The following CARS1 variants were observed in gnomAD, a reference collection of about 807,000 sequenced individuals.
The protein encoded by CARS1 is cysteine--tRNA ligase, cytoplasmic.
Under a neutral mutation model 106.2 loss-of-function variants are expected in CARS1, and 48 were observed. The observed-to-expected ratio is 0.45, with a 90% CI of 0.36 to 0.57. The LOEUF (loss-of-function observed/expected upper bound fraction) is 0.57, where lower values mean the gene tolerates loss of function less well. CARS1 is among the 20% of genes least tolerant of loss of function. The pLI is 0.00. For synonymous variants in CARS1, 409 were observed against 403.4 expected (o/e 1.01, Z -0.17); for missense variants, 968 against 1,057.2 (o/e 0.92, Z 1.17).
intron 16 of CARS1, among the ~76,000 whole-genome samples, 174 bp from the exon 17 acceptor site, chr11:3,016,023 C>T (rs1432854605): frequency 6.6e-6 from 1 of 152,182 alleles, no homozygotes; most frequent in Non-Finnish European, 1.5e-5. Flanking sequence ...GCCCTCATTG[C>T]TCCAGGATGG....
rs972136002 is a variant in CARS1 at position 3,012,260 on chromosome 11, A to G, written c.2003T>C (p.Met668Thr). Residue 668 changes from methionine to threonine, a missense_variant, in exon 18 of 23, where the codon ATG (methionine) becomes ACG (threonine). By Grantham distance (81) the Met-to-Thr change is moderately conservative (BLOSUM62 -1). Transcript: ENST00000380525. ...TTCTGATAACACCTGAAGGTAGGGCATGACTGTGGCCTCGAGCTGCGGAAA... is the reference window on the plus strand; with the variant it reads ...TTCTGATAACACCTGAAGGTAGGGCGTGACTGTGGCCTCGAGCTGCGGAAA... The part of the protein sequence containing the change: ...GTSLSLEATV[M>T]PYLQVLSEFR... The G allele has an allele frequency of 2.5e-5, 41 of 1,614,264 alleles. No individual in the cohort carries two copies. The highest frequency in any genetic ancestry group is 3.5e-5 in the Non-Finnish European group (41 of 1,180,040).
chr11:3,013,464 T>C (rs760780016), intron 17 of CARS1, among the ~76,000 whole-genome samples: 2 of 152,234 alleles, frequency 1.3e-5, no homozygotes, highest in Non-Finnish European at 2.9e-5. Context: ...CATTTCTCTT[T>C]TTCTAATAGG....
In CARS1 at chr11:3,041,722, C is replaced by A. The variant is rs1311158315; in HGVS notation, c.366+443G>T. 6.6e-6 allele frequency among the ~76,000 whole-genome samples: 1 copy of A among 152,230 alleles called. No individual in the cohort carries two copies. The highest frequency in any genetic ancestry group is 1.9e-4 in the East Asian group (1 of 5,196). On this transcript the variant is annotated intron_variant, in intron 3 of 22. Transcript: ENST00000380525. The surrounding 1 kb of genome is among the most constrained non-coding windows in gnomAD (Gnocchi z 4.9). ...CATGCAAACCCCATTCTGTTAGGAACCAATCCTGCCTTCTTCTCAAAACCT... is the reference window on the plus strand; with the variant it reads ...CATGCAAACCCCATTCTGTTAGGAAACAATCCTGCCTTCTTCTCAAAACCT...
At chr11:3,036,411 A>G (rs564901297) in intron 7 of CARS1, among the ~76,000 whole-genome samples, 1 of 152,348 alleles carries the variant, frequency 6.6e-6, no homozygotes, top group Non-Finnish European at 1.5e-5. Flanking sequence ...AGACAACACA[A>G]AACAACTCAC....
In CARS1 at chr11:3,020,384, C is replaced by G. The variant is rs775922538; in HGVS notation, c.1154-52G>C. The G allele has an allele frequency of 9.2e-7, 1 of 1,083,022 alleles. No homozygotes were observed. Among genetic ancestry groups the G allele is most frequent in the African/African-American group, 1.5e-5 (1 of 64,718 alleles). The allele number at this position is 1,083,022 out of a possible 1,614,324, so 67.1% of individuals were successfully genotyped here. On this transcript the variant is annotated intron_variant, in intron 10 of 22. Coordinates refer to ENST00000380525, the MANE Select transcript of CARS1 (RefSeq NM_001014437.3). The surrounding 1 kb of genome is among the most constrained non-coding windows in gnomAD (Gnocchi z 4.6). ...GGTCACTCAGCAGCACCCACAGACC[C>G]ACATGTCTCACTTCAAGGCCATCCA...
Position 3,039,879 on chromosome 11 carries a change from A to G in CARS1, c.508T>C (p.Phe170Leu). Reference sequence around the variant, plus strand: ...ATGTTCATGCAATAAAAGACATCAAATTTGAAGTAATCCTTCAACACTCTT... The same window carrying G: ...ATGTTCATGCAATAAAAGACATCAAGTTTGAAGTAATCCTTCAACACTCTT... ...LRRVLKDYFK[F>L]DVFYCMNITD... is the part of the protein sequence containing the mutation. Residue 170 changes from phenylalanine (F) to leucine (L), a missense_variant, in exon 5 of 23, where the codon TTT (phenylalanine) becomes CTT (leucine). Coordinates refer to ENST00000380525, the MANE Select transcript of CARS1 (RefSeq NM_001014437.3). This position sits in a 1 kb window ranked among gnomAD's most constrained non-coding sequence, Gnocchi z 5.6. 6.3e-7 allele frequency: 1 copy of G among 1,592,722 alleles called. No individual in the cohort carries two copies.
chr11:3,035,652 AT>A (rs1853519896), intron 7 of CARS1, among the ~76,000 whole-genome samples: 1 of 152,096 alleles, frequency 6.6e-6, no homozygotes, highest in Non-Finnish European at 1.5e-5. Context: ...TGCTTGGCTA[AT>A]TTTTAAAAGT....
At chr11:3,016,043 A>T (rs1379749971) in intron 16 of CARS1, among the ~76,000 whole-genome samples, 194 bp from the exon 17 acceptor site, 2 of 152,096 alleles carry the variant, frequency 1.3e-5, no homozygotes, top group African/African-American at 2.4e-5. Context: ...GCCCTGACTC[A>T]CAGCTACCCT....
intron 18 of CARS1, among the ~76,000 whole-genome samples, chr11:3,011,474 C>T (rs1431166327): frequency 6.6e-6 from 1 of 151,712 alleles, no homozygotes; most frequent in Non-Finnish European, 1.5e-5. Context: ...ATTAGCCGGG[C>T]GCGGTGGCAG....
At chr11:3,001,398 G>T in intron 22 of CARS1, 150 bp from the exon 23 acceptor site, 1 of 882,498 alleles carries the variant, frequency 1.1e-6, no homozygotes, top group Non-Finnish European at 1.7e-6. Context: ...CTGCTCTGGA[G>T]CCAGCACACT....
rs901813644 is a variant in CARS1 at position 3,018,114 on chromosome 11, G to T, written c.1630-160C>A. On this transcript the variant is annotated intron_variant, in intron 14 of 22. Coordinates refer to ENST00000380525, the MANE Select transcript of CARS1 (RefSeq NM_001014437.3). ...GAAAGGAAAAGATATTTCTTTGACA[G>T]AAACATGCTCTTGCTTTAGGTTTAC... is the stretch of plus-strand genomic sequence containing the variant. 9 of 627,320 alleles carry T rather than the reference G, an allele frequency of 1.4e-5. No individual in the cohort carries two copies. The East Asian group carries it at 2.2e-4, about 15-fold the overall frequency. The allele number at this position is 627,320 out of a possible 1,614,324, so 38.9% of individuals were successfully genotyped here.
At chr11:3,018,866 G>A in intron 12 of CARS1, 117 bp from the exon 13 acceptor site, 1 of 1,380,764 alleles carries the variant, frequency 7.2e-7, no homozygotes, top group Non-Finnish European at 9.7e-7. Context: ...GCGTTTTCCA[G>A]GTGGTGCAGG....
chr11:3,024,025 T>G (rs1851815618), intron 10 of CARS1, among the ~76,000 whole-genome samples: 1 of 152,212 alleles, frequency 6.6e-6, no homozygotes, highest in South Asian at 2.1e-4. Flanking sequence ...CCCGAGTAGC[T>G]GGGACTACAG....
intron 1 of CARS1, among the ~76,000 whole-genome samples, chr11:3,049,901 C>T (rs962756882): frequency 6.6e-6 from 1 of 152,234 alleles, no homozygotes; most frequent in Admixed American, 6.5e-5. Flanking sequence ...CACACGAATG[C>T]CTTTCTCTGC....
In CARS1 at chr11:3,050,936, A is replaced by G. The variant is rs749443436; in HGVS notation, c.26-2935T>C. ...CCCCACCGCTCCATCTACCTTATTC[A>G]CTGCTCGATCTTCAGCATCTACAAC... is the stretch of plus-strand genomic sequence containing the variant. On this transcript the variant is annotated intron_variant, in intron 1 of 22. Transcript: ENST00000380525. This position sits in a 1 kb window ranked among gnomAD's most constrained non-coding sequence, Gnocchi z 6.3. Among the ~76,000 whole-genome samples the G allele has an allele frequency of 6.6e-6, 1 of 151,992 alleles. No individual in the cohort carries two copies. The highest frequency in any genetic ancestry group is 1.5e-5 in the Non-Finnish European group (1 of 68,000).
Position 3,020,366 on chromosome 11 carries a change from C to A in CARS1, c.1154-34G>T. On this transcript the variant is annotated intron_variant, in intron 10 of 22. Coordinates refer to ENST00000380525, the MANE Select transcript of CARS1 (RefSeq NM_001014437.3). The surrounding 1 kb of genome is among the most constrained non-coding windows in gnomAD (Gnocchi z 4.6). Reference sequence around the variant, plus strand: ...ACGAGGGACGCCAGGCAAGGTCACTCAGCAGCACCCACAGACCCACATGTC... The same window carrying A: ...ACGAGGGACGCCAGGCAAGGTCACTAAGCAGCACCCACAGACCCACATGTC... 1 of 1,332,976 alleles carries A rather than the reference C, an allele frequency of 7.5e-7. No individual in the cohort carries two copies. The highest frequency in any genetic ancestry group is 1.1e-6 in the Non-Finnish European group (1 of 924,746). 82.6% of individuals were successfully genotyped at this position (1,332,976 alleles called of 1,614,324 possible).
Position 3,034,829 on chromosome 11 carries a change from C to T in CARS1, c.801+3221G>A, listed in dbSNP as rs1271556556. Among the ~76,000 whole-genome samples, 1 of 152,220 alleles carries T rather than the reference C, an allele frequency of 6.6e-6. No individual in the cohort carries two copies. Among genetic ancestry groups the T allele is most frequent in the Non-Finnish European group, 1.5e-5 (1 of 68,040 alleles). ...GATTACAGGCATGAGCCACGATGCC[C>T]TGCCTGGGAATGGGTAATTTTTAAA... is the stretch of plus-strand genomic sequence containing the variant. On this transcript the variant is annotated intron_variant, in intron 7 of 22. Transcript: ENST00000380525. This position sits in a 1 kb window ranked among gnomAD's most constrained non-coding sequence, Gnocchi z 6.3.
At chr11:3,024,495 T>G (rs1240928942) in intron 10 of CARS1, among the ~76,000 whole-genome samples, 1 of 152,240 alleles carries the variant, frequency 6.6e-6, no homozygotes, top group Non-Finnish European at 1.5e-5. Flanking sequence ...TTGCCCAGGC[T>G]GGAGTGCAAT....
intron 22 of CARS1, 97 bp downstream of exon 22, chr11:3,001,873 G>T (rs1849429770): frequency 9.9e-7 from 1 of 1,013,144 alleles, no homozygotes; most frequent in Non-Finnish European, 1.6e-6. Flanking sequence ...TCTACAGACA[G>T]AAAATCTGCT....
Sources: allele counts gnomAD v4.1 joint callset (sites outside exome capture counted in the v4.1 genomes callset), GRCh38; gene constraint gnomAD v4.1.1; non-coding constraint Gnocchi (gnomAD v3.1); transcripts MANE v1.5; gene names NCBI Gene and HGNC (gene_info 2026-07-23, HGNC 2026-07-21).